Variants in PPFIA2 observed in about 807,000 individuals in gnomAD.
PPFIA2 encodes the protein liprin-alpha-2.
Under a neutral mutation model 175.5 loss-of-function variants are expected in PPFIA2, and 46 were observed. That is an observed-to-expected ratio of 0.26 (90% CI 0.21 to 0.34). PPFIA2 has a LOEUF of 0.34. Ranked by LOEUF, PPFIA2 falls within the 10% of genes least tolerant of loss-of-function variation. PPFIA2 has a pLI of 1.00. For synonymous variants in PPFIA2, 568 were observed against 511.4 expected, an observed-to-expected ratio of 1.11 and a Z score of -1.49; for missense variants, 1,179 against 1,506.1, an observed-to-expected ratio of 0.78 and a Z score of 3.60.
chr12:81,368,217 G>T, intron 13 of PPFIA2: 1 of 1,193,688 alleles, frequency 8.4e-7, no homozygotes, highest in Non-Finnish European at 1.1e-6. Context: ...CTGTACAGAA[G>T]CACTATTTCT....
chr12:81,660,883 G>C (rs1439279370), intron 4 of PPFIA2, among the ~76,000 whole-genome samples: 1 of 152,080 alleles, frequency 6.6e-6, no homozygotes, highest in Non-Finnish European at 1.5e-5. Flanking sequence ...TGAGAGTGGG[G>C]GCCAATATTC....
intron 18 of PPFIA2, among the ~76,000 whole-genome samples, chr12:81,346,726 A>C (rs1595233562): frequency 6.6e-6 from 1 of 151,778 alleles, no homozygotes; most frequent in South Asian, 2.1e-4. Flanking sequence ...TATGGCTCTT[A>C]ACACAAATAA....
intron 3 of PPFIA2, among the ~76,000 whole-genome samples, chr12:81,684,410 C>A (rs981792502): frequency 1.3e-5 from 2 of 152,042 alleles, no homozygotes; most frequent in African/African-American, 4.8e-5. Context: ...AAGAGTCCAG[C>A]AAGAGGTGAA....
At chr12:81,375,414 G>T (rs1282791817) in intron 10 of PPFIA2, among the ~76,000 whole-genome samples, 1 of 152,090 alleles carries the variant, frequency 6.6e-6, no homozygotes, top group Non-Finnish European at 1.5e-5. Context: ...ATTGGCTCTG[G>T]TGTTTAGCAG....
In PPFIA2 at chr12:81,341,181, C is replaced by G; in HGVS notation, c.2290G>C (p.Glu764Gln). The G allele has an allele frequency of 6.2e-7, 1 of 1,611,980 alleles. No individual in the cohort carries two copies. The change falls in exon 20 of 33, where the codon GAG (glutamate) becomes CAG (glutamine). Residue 764 changes from glutamate to glutamine, a missense_variant. Glu to Gln is a conservative substitution (Grantham distance 29, BLOSUM62 2). This residue lies in a region of PPFIA2 where 223 missense variants were observed against 241.6 expected (regional missense o/e 0.92). Coordinates refer to ENST00000549396, the MANE Select transcript of PPFIA2 (RefSeq NM_003625.5). ...KIAVVEEDGR[E>Q]DKATIKCETS... ...TCACATTTAATTGTTGCTTTGTCCT[C>G]TCGACCATCTTCTTCCACAACTGCA...
intron 4 of PPFIA2, among the ~76,000 whole-genome samples, chr12:81,600,541 AT>A (rs1325976163): frequency 6.6e-6 from 1 of 151,918 alleles, no homozygotes; most frequent in African/African-American, 2.4e-5. Context: ...TTTTCCAGTA[AT>A]TTTTAAGCAG....
intron 3 of PPFIA2, among the ~76,000 whole-genome samples, chr12:81,703,415 G>A (rs2076731007): frequency 6.6e-6 from 1 of 151,866 alleles, no homozygotes; most frequent in Non-Finnish European, 1.5e-5. Context: ...CAATCCCCAA[G>A]TCCTATCCCT....
intron 4 of PPFIA2, among the ~76,000 whole-genome samples, chr12:81,540,616 A>G (rs2066059234): frequency 6.6e-6 from 1 of 152,160 alleles, no homozygotes; most frequent in Non-Finnish European, 1.5e-5. Flanking sequence ...AGGAGTTTAA[A>G]AAATATTTCA....
chr12:81,428,836 T>G (rs1213257690), intron 7 of PPFIA2, among the ~76,000 whole-genome samples: 2 of 152,030 alleles, frequency 1.3e-5, no homozygotes, highest in Non-Finnish European at 2.9e-5. Flanking sequence ...ATCTCACAAC[T>G]GTTGGCAGGC....
At chr12:81,372,892 G>T (rs1286894288) in intron 11 of PPFIA2, among the ~76,000 whole-genome samples, 1 of 151,574 alleles carries the variant, frequency 6.6e-6, no homozygotes, top group Non-Finnish European at 1.5e-5. Flanking sequence ...AAAGGGAGGA[G>T]AAAGCTGAGG....
At position 81,358,653 on chromosome 12, in the gene PPFIA2, G is replaced by A. The variant is rs531161971; in HGVS notation, c.1638-436C>T. Among the ~76,000 whole-genome samples, 3 of 152,140 alleles carry A rather than the reference G, an allele frequency of 2.0e-5. No homozygotes were observed. In the South Asian group the frequency reaches 6.2e-4, roughly 32 times the overall value. On this transcript the variant is annotated intron_variant, in intron 15 of 32. Coordinates refer to ENST00000549396, the MANE Select transcript of PPFIA2 (RefSeq NM_003625.5). ...ATCTAGCTAAAAATGTCTGAAATTT[G>A]AGGGTCCCAGAACTTTTCCAATCTT...
At chr12:81,600,389 C>A (rs552425758) in intron 4 of PPFIA2, among the ~76,000 whole-genome samples, 4 of 151,950 alleles carry the variant, frequency 2.6e-5, no homozygotes, top group Middle Eastern at 3.4e-3. Context: ...TGCTCCCATC[C>A]TTTTGTTTTT....
chr12:81,289,475 C>T (rs1161941899), intron 24 of PPFIA2, among the ~76,000 whole-genome samples: 2 of 151,812 alleles, frequency 1.3e-5, no homozygotes, highest in African/African-American at 4.8e-5. Context: ...ACAAATTTGG[C>T]TCCTATATAA....
intron 3 of PPFIA2, among the ~76,000 whole-genome samples, chr12:81,686,507 T>C (rs1023958442): frequency 1.2e-4 from 18 of 152,068 alleles, no homozygotes; most frequent in Non-Finnish European, 7.4e-5. Flanking sequence ...CCTTTCCATA[T>C]GGCTGAGGCG....
At chr12:81,378,219 T>C (rs1308012372) in intron 9 of PPFIA2, 1 of 151,842 alleles carries the variant, frequency 6.6e-6, no homozygotes, top group Non-Finnish European at 1.5e-5. Flanking sequence ...AGTGACTAAA[T>C]TATGGTTGTT....
intron 4 of PPFIA2, among the ~76,000 whole-genome samples, chr12:81,657,007 A>T (rs1446332167): frequency 6.6e-6 from 1 of 152,200 alleles, no homozygotes; most frequent in African/African-American, 2.4e-5. Context: ...ATCCATTTTT[A>T]AAGTGCCTGT....
chr12:81,674,130 C>A (rs145929684), intron 4 of PPFIA2, among the ~76,000 whole-genome samples: 1 of 151,876 alleles, frequency 6.6e-6, no homozygotes, highest in Non-Finnish European at 1.5e-5. Flanking sequence ...TTTATGTGTA[C>A]CCACAGCAAA....
chr12:81,541,604 A>T (rs915326160), intron 4 of PPFIA2, among the ~76,000 whole-genome samples: 1 of 152,144 alleles, frequency 6.6e-6, no homozygotes, highest in African/African-American at 2.4e-5. Context: ...TTGTGAAAAA[A>T]TTGTTACTGC....
Position 81,374,614 on chromosome 12 carries a change from C to CCGTTGTTCTAGTGCAGTACCTT in PPFIA2, c.1266+19_1266+20insAAGGTACTGCACTAGAACAACG. 6.3e-7 allele frequency: 1 copy of CCGTTGTTCTAGTGCAGTACCTT among 1,582,360 alleles called. No homozygotes were observed. The highest frequency in any genetic ancestry group is 8.6e-7 in the Non-Finnish European group (1 of 1,165,818). On this transcript the variant is annotated intron_variant, in intron 11 of 32. Transcript: ENST00000549396. Reference sequence around the variant, plus strand: ...TTTCTACAAATATATCTAGGTTGACCAGTTGTTCTAGTGCAGTACCTTGGT... The same window carrying CCGTTGTTCTAGTGCAGTACCTT: ...TTTCTACAAATATATCTAGGTTGACCCGTTGTTCTAGTGCAGTACCTTAGTTGTTCTAGTGCAGTACCTTGGT...
Sources: gnomAD v4.1 joint callset for allele counts (sites outside exome capture counted in the v4.1 genomes callset) on GRCh38, gnomAD v4.1.1 for gene constraint, gnomAD v4.1.1 regional missense constraint, MANE v1.5 for transcripts, NCBI Gene and HGNC (gene_info 2026-07-23, HGNC 2026-07-21) for gene names.